Variants in COL24A1 observed in about 807,000 individuals in gnomAD.
COL24A1 encodes collagen alpha-1(XXIV) chain.
A neutral mutation model predicts 253.9 loss-of-function variants in COL24A1; 224 were observed. That is an observed-to-expected ratio of 0.88 (90% CI 0.79 to 0.99). COL24A1 has a LOEUF of 0.99. COL24A1 is among the 50% of genes least tolerant of loss of function. The pLI, the probability that COL24A1 is intolerant of heterozygous loss-of-function variation, is 0.00. For synonymous variants in COL24A1, 685 were observed against 673.7 expected, an observed-to-expected ratio of 1.02 and a Z score of -0.26; for missense variants, 2,131 against 2,068.5, an observed-to-expected ratio of 1.03 and a Z score of -0.59.
At chr1:85,973,688 C>A (rs11803202) in intron 20 of COL24A1, among the ~76,000 whole-genome samples, 39,439 of 151,984 alleles carry the variant, frequency 0.26, 5,517 homozygotes, top group Admixed American at 0.36. Context: ...GGAATGAGGT[C>A]CCCCTAACTC....
intron 32 of COL24A1, among the ~76,000 whole-genome samples, chr1:85,881,711 G>A (rs958158752): frequency 6.6e-6 from 1 of 152,086 alleles, no homozygotes; most frequent in Admixed American, 6.6e-5. Flanking sequence ...AGTAGTGATG[G>A]CCTCTCTTTC....
chr1:85,761,269 G>T, intron 55 of COL24A1, 127 bp downstream of exon 55: 1 of 1,012,296 alleles, frequency 9.9e-7, no homozygotes, highest in Non-Finnish European at 1.5e-6. Flanking sequence ...CCTGTATCAG[G>T]TTAGCAAAAA....
intron 10 of COL24A1, among the ~76,000 whole-genome samples, chr1:86,057,139 G>C (rs1480812778): frequency 6.6e-6 from 1 of 152,032 alleles, no homozygotes; most frequent in Non-Finnish European, 1.5e-5. Flanking sequence ...TCATCTCCTT[G>C]GTGACAAGTG....
chr1:85,867,089 G>C (rs900354455), intron 37 of COL24A1, among the ~76,000 whole-genome samples: 2 of 152,192 alleles, frequency 1.3e-5, no homozygotes, highest in African/African-American at 4.8e-5. Context: ...TGGTAAGACA[G>C]CTAGTTTGTG....
chr1:86,063,671 G>T, intron 8 of COL24A1, 44 bp downstream of exon 8: 3 of 1,389,756 alleles, frequency 2.2e-6, no homozygotes, highest in Non-Finnish European at 2.9e-6. Context: ...TCTAACATGT[G>T]TCTTTTTCAC....
In COL24A1 at chr1:85,872,229, T is replaced by A. The variant is rs1558476211; in HGVS notation, c.3138+2420A>T. Among the ~76,000 whole-genome samples the A allele has an allele frequency of 2.0e-5, 3 of 152,290 alleles. No individual in the cohort carries two copies. In the South Asian group the frequency reaches 6.2e-4, roughly 32 times the overall value. On this transcript the variant is annotated intron_variant, in intron 35 of 59. Transcript: ENST00000370571. ...CAAATGGAAGAACATTCCATGCTCATGGATAGGAAGAATCAATATTGTCAA... is the reference window on the plus strand; with the variant it reads ...CAAATGGAAGAACATTCCATGCTCAAGGATAGGAAGAATCAATATTGTCAA...
At chr1:85,996,772 T>C (rs11161716) in intron 19 of COL24A1, among the ~76,000 whole-genome samples, 60,244 of 151,634 alleles carry the variant, frequency 0.4, 12,377 homozygotes, top group East Asian at 0.58. Flanking sequence ...GATTCCTTGG[T>C]TTCATAGAAT....
chr1:85,887,012 T>TAGG (rs1206420166), intron 32 of COL24A1, among the ~76,000 whole-genome samples: 1 of 152,204 alleles, frequency 6.6e-6, no homozygotes, highest in African/African-American at 2.4e-5. Flanking sequence ...GAGTGAAGTT[T>TAGG]TATTATACAC....
intron 14 of COL24A1, among the ~76,000 whole-genome samples, chr1:86,024,331 AT>A (rs1403504533): frequency 1.3e-5 from 2 of 151,780 alleles, no homozygotes; most frequent in Middle Eastern, 3.4e-3. Context: ...CGTTTCATTC[AT>A]TTTTTTTATT....
At chr1:86,042,974 T>C (rs1699619799) in intron 12 of COL24A1, among the ~76,000 whole-genome samples, 1 of 152,156 alleles carries the variant, frequency 6.6e-6, no homozygotes, top group South Asian at 2.1e-4. Flanking sequence ...CTGACCCTGA[T>C]CAATAGGTAG....
At chr1:85,831,977 T>C (rs1312809748) in intron 43 of COL24A1, among the ~76,000 whole-genome samples, 1 of 152,092 alleles carries the variant, frequency 6.6e-6, no homozygotes, top group African/African-American at 2.4e-5. Flanking sequence ...TTGCTTTTGG[T>C]GTTTTAGACA....
At chr1:85,779,322 GA>G (rs1046407695) in intron 52 of COL24A1, among the ~76,000 whole-genome samples, 28 of 151,768 alleles carry the variant, frequency 1.8e-4, no homozygotes, top group Non-Finnish European at 4.0e-4. Flanking sequence ...AATTAGATAT[GA>G]AAAAAATGTA....
chr1:85,767,408 TA>T (rs1179762091), intron 53 of COL24A1, among the ~76,000 whole-genome samples: 1 of 152,076 alleles, frequency 6.6e-6, no homozygotes, highest in African/African-American at 2.4e-5. Context: ...ATGAAAAGTG[TA>T]AGAAATGTTA....
chr1:85,821,794 A>G (rs1391920049), intron 45 of COL24A1, among the ~76,000 whole-genome samples: 1 of 152,214 alleles, frequency 6.6e-6, no homozygotes, highest in East Asian at 1.9e-4. Context: ...GCAGTTGACT[A>G]GTAAAAGTAT....
intron 39 of COL24A1, among the ~76,000 whole-genome samples, chr1:85,845,908 GTT>G (rs1211589976): frequency 1.3e-5 from 2 of 151,736 alleles, no homozygotes; most frequent in Non-Finnish European, 3.0e-5. Context: ...GAAATTGAAA[GTT>G]CACATGAAAG....
chr1:85,997,027 G>GTA lies in COL24A1; in HGVS notation c.2311-9375_2311-9374dup, dbSNP rs60831984. 7.2e-4 allele frequency among the ~76,000 whole-genome samples: 67 copies of GTA among 92,978 alleles called. 2 individuals carry two copies. Among genetic ancestry groups the GTA allele is most frequent in the South Asian group, 1.9e-3 (4 of 2,156 alleles). The allele number at this position is 92,978 out of a possible 152,430, so 61.0% of individuals were successfully genotyped here. ...TTCTTTCATATATATATGTGTGTGT[G>GTA]TATATATATATATATGTGTGTGTGT... On this transcript the variant is annotated intron_variant, in intron 19 of 59. Coordinates refer to ENST00000370571, the MANE Select transcript of COL24A1 (RefSeq NM_152890.7).
At chr1:85,854,154 A>AG (rs1292155034) in intron 37 of COL24A1, among the ~76,000 whole-genome samples, 9 of 152,292 alleles carry the variant, frequency 5.9e-5, no homozygotes, top group African/African-American at 2.2e-4. Flanking sequence ...GGTAAAAGGT[A>AG]GGGGTCCAGC....
intron 35 of COL24A1, among the ~76,000 whole-genome samples, chr1:85,873,686 T>G (rs1475662953): frequency 2.0e-5 from 3 of 151,614 alleles, no homozygotes; most frequent in Non-Finnish European, 4.4e-5. Flanking sequence ...TGTCGTGGGG[T>G]AGGGGAGGGG....
chr1:86,008,522 A>C (rs1448161740), intron 19 of COL24A1, among the ~76,000 whole-genome samples: 1 of 152,180 alleles, frequency 6.6e-6, no homozygotes, highest in African/African-American at 2.4e-5. Flanking sequence ...TAAAATATGA[A>C]TATTTTAATC....
Sources: gnomAD v4.1 joint callset for allele counts (sites outside exome capture counted in the v4.1 genomes callset) on GRCh38, gnomAD v4.1.1 for gene constraint, MANE v1.5 for transcripts, NCBI Gene and HGNC (gene_info 2026-07-23, HGNC 2026-07-21) for gene names.